Variants in POLD1 observed in about 807,000 individuals in gnomAD.
POLD1 encodes the protein DNA polymerase delta catalytic subunit.
Under a neutral mutation model 129.7 loss-of-function variants are expected in POLD1, and 79 were observed. The ratio of observed to expected loss-of-function variants is 0.61; its 90% CI spans 0.51 to 0.73. The LOEUF is 0.73. Ranked by LOEUF, POLD1 falls within the 30% of genes least tolerant of loss-of-function variation. The pLI is 0.00. For synonymous variants in POLD1, 714 were observed against 683.3 expected (o/e 1.04, Z -0.70); for missense variants, 1,338 against 1,595.8 (o/e 0.84, Z 2.75).
intron 8 of POLD1, 67 bp downstream of exon 8, chr19:50,402,808 G>A (rs751214638): frequency 7.0e-5 from 107 of 1,536,252 alleles, no homozygotes; most frequent in Non-Finnish European, 9.1e-5. Context: ...GGAAAGGCAG[G>A]TCCGGTGGAG....
intron 25 of POLD1, 25 bp downstream of exon 25, chr19:50,417,122 GGGC>G (rs1329530223): frequency 1.0e-5 from 16 of 1,569,410 alleles, no homozygotes; most frequent in Non-Finnish European, 1.4e-5. Context: ...AGGTGAGGAG[GGGC>G]CAGGTGGGGA....
At chr19:50,385,894 C>G (rs1235015255) in intron 1 of POLD1, among the ~76,000 whole-genome samples, 2 of 152,034 alleles carry the variant, frequency 1.3e-5, no homozygotes, top group East Asian at 1.9e-4. Flanking sequence ...TTCCTTCCCT[C>G]CCCCTGAAAT....
chr19:50,402,490 G>A lies in POLD1; in HGVS notation c.795G>A (p.Trp265Ter). The A allele has an allele frequency of 6.2e-7, 1 of 1,611,604 alleles. No homozygotes were observed. The highest frequency in any genetic ancestry group is 1.1e-5 in the South Asian group (1 of 90,578). ...MVDTDIVGCN[W>*]LELPAGKYAL... ...ACACGGACATCGTCGGCTGCAACTG[G>A]CTGGAGCTCCCAGCTGGGAAATACG... Residue 265 changes from tryptophan (W) to a stop codon, truncating the protein, a stop_gained, in exon 7 of 27, where the codon TGG becomes TGA. Transcript: ENST00000440232. LOFTEE classifies it high-confidence loss of function.
chr19:50,415,890 T>C, intron 22 of POLD1, 64 bp downstream of exon 22: 1 of 1,210,194 alleles, frequency 8.3e-7, no homozygotes, highest in Non-Finnish European at 1.1e-6. Flanking sequence ...CTTTCCGAGA[T>C]GGGCGGGCCT....
intron 3 of POLD1, 76 bp from the exon 4 acceptor site, chr19:50,401,702 G>A (rs1243792732): frequency 2.6e-6 from 4 of 1,523,400 alleles, no homozygotes; most frequent in Non-Finnish European, 3.6e-6. Context: ...AGGCCCCAAG[G>A]TATTTCGAGG....
At position 50,406,962 on chromosome 19, in the gene POLD1, C is replaced by T; in HGVS notation, c.1495-21C>T. ...CCACCCCCAACCCCTGGTCCCTGAC[C>T]CCATCCGTGCCCATCCCCAGAATGG... On this transcript the variant is annotated intron_variant, in intron 12 of 26. Transcript: ENST00000440232. This position sits in a 1 kb window ranked among gnomAD's most constrained non-coding sequence, Gnocchi z 5.5. 1.3e-6 allele frequency: 2 copies of T among 1,567,080 alleles called. No individual in the cohort carries two copies. Among genetic ancestry groups the T allele is most frequent in the South Asian group, 1.2e-5 (1 of 85,082 alleles).
intron 10 of POLD1, among the ~76,000 whole-genome samples, chr19:50,405,313 T>C (rs1168096764): frequency 6.6e-6 from 1 of 152,226 alleles, no homozygotes; most frequent in African/African-American, 2.4e-5. Context: ...CAAATGAGGT[T>C]ACATTCTGAG....
At position 50,415,660 on chromosome 19, in the gene POLD1, C is replaced by T. The variant is rs529101599; in HGVS notation, c.2718-64C>T. On this transcript the variant is annotated intron_variant, in intron 21 of 26. Transcript: ENST00000440232. ...TCCTGCCAGCTGGGCCCACTTCCTA[C>T]ACCCTCGCCCCCACCCCCGCCACCC... 2.4e-5 allele frequency: 36 copies of T among 1,521,918 alleles called. No individual in the cohort carries two copies. In the East Asian group the frequency reaches 8.3e-4, roughly 35 times the overall value. 94.3% of individuals were successfully genotyped at this position (1,521,918 alleles called of 1,614,324 possible).
At chr19:50,385,275 C>T (rs1477662598) in intron 1 of POLD1, among the ~76,000 whole-genome samples, 2 of 152,094 alleles carry the variant, frequency 1.3e-5, no homozygotes, top group African/African-American at 4.8e-5. Context: ...CGGGCGGAGA[C>T]AGGGGGACTG....
chr19:50,393,726 C>T (rs1401837199), intron 1 of POLD1, among the ~76,000 whole-genome samples: 1 of 152,108 alleles, frequency 6.6e-6, no homozygotes, highest in African/African-American at 2.4e-5. Context: ...CAGTGTTGTA[C>T]AACCATTACC....
rs1555789025 is a variant in POLD1 at position 50,398,877 on chromosome 19, C to T, written c.26C>T (p.Pro9Leu). Residue 9 changes from proline (P) to leucine (L), a missense_variant, in exon 2 of 27, where the codon CCA becomes CTA. Physicochemically the swap from Pro to Leu is moderately conservative, Grantham distance 98. Coordinates refer to ENST00000440232, the MANE Select transcript of POLD1 (RefSeq NM_002691.4). ...ATGGATGGCAAGCGGCGGCCAGGCC[C>T]AGGGCCCGGGGTGCCCCCAAAGCGG... is the stretch of plus-strand genomic sequence containing the variant. MDGKRRPGPGPGVPPKRAR... is the reference protein window; with the variant it reads MDGKRRPGLGPGVPPKRAR... 1 of 1,608,142 alleles carries T rather than the reference C, an allele frequency of 6.2e-7. No homozygotes were observed.
At chr19:50,407,771 T>A (rs2038952248) in intron 14 of POLD1, among the ~76,000 whole-genome samples, 1 of 141,988 alleles carries the variant, frequency 7.0e-6, no homozygotes, top group Non-Finnish European at 1.5e-5. Context: ...GGGACGGGGT[T>A]TCACCGTGTT....
At chr19:50,399,338 C>T (rs747109096) in intron 2 of POLD1, 33 bp from the exon 3 acceptor site, 2 of 1,521,414 alleles carry the variant, frequency 1.3e-6, no homozygotes, top group South Asian at 2.2e-5. Context: ...ACCATGACTC[C>T]ATGTACTCCA....
At position 50,417,170 on chromosome 19, in the gene POLD1, A is replaced by C; in HGVS notation, c.3121-2A>C. 1 of 1,601,332 alleles carries C rather than the reference A, an allele frequency of 6.2e-7. No individual in the cohort carries two copies. The highest frequency in any genetic ancestry group is 8.5e-7 in the Non-Finnish European group (1 of 1,174,590). The stretch of plus-strand genomic sequence containing the variant: ...GCCCTGCTCAGCCGCTGCCGTCCCC[A>C]GGTATCCCATCTGAATGCCCTGGAG... On this transcript the variant is annotated splice_acceptor_variant, in intron 25 of 26. Transcript: ENST00000440232. LOFTEE classifies it high-confidence loss of function.
At chr19:50,399,525 T>TCA in intron 3 of POLD1, 41 bp downstream of exon 3, 1 of 1,470,122 alleles carries the variant, frequency 6.8e-7, no homozygotes, top group Non-Finnish European at 9.5e-7. Flanking sequence ...GGCCCTGCGC[T>TCA]CCTGGGGCAG....
intron 1 of POLD1, among the ~76,000 whole-genome samples, chr19:50,386,323 A>G (rs923184919): frequency 2.0e-5 from 3 of 151,946 alleles, no homozygotes; most frequent in African/African-American, 7.3e-5. Flanking sequence ...TTTTTAGTAG[A>G]GACAGGGTTT....
intron 1 of POLD1, chr19:50,387,725 C>T (rs1205235995): frequency 6.6e-6 from 1 of 152,668 alleles, no homozygotes; most frequent in Non-Finnish European, 1.5e-5. Context: ...GGTCTCTCCT[C>T]GCAGATCATC....
chr19:50,399,522 C>A, intron 3 of POLD1, 38 bp downstream of exon 3: 1 of 1,476,876 alleles, frequency 6.8e-7, no homozygotes, highest in Non-Finnish European at 9.5e-7. Context: ...TGGGGCCCTG[C>A]GCTCCTGGGG....
chr19:50,412,548 C>G (rs2039121489), intron 17 of POLD1, among the ~76,000 whole-genome samples: 1 of 151,968 alleles, frequency 6.6e-6, no homozygotes, highest in South Asian at 2.1e-4. Flanking sequence ...CAAGTAAAAG[C>G]TAGACAGTAA....
Sources: allele counts gnomAD v4.1 joint callset (sites outside exome capture counted in the v4.1 genomes callset), GRCh38; gene constraint gnomAD v4.1.1; non-coding constraint Gnocchi (gnomAD v3.1); transcripts MANE v1.5; gene names NCBI Gene and HGNC (gene_info 2026-07-23, HGNC 2026-07-21).